The following EXOC6B variants were observed in gnomAD, a reference collection of about 807,000 sequenced individuals.
The protein encoded by EXOC6B is SEC15 homolog B.
In EXOC6B, 54 loss-of-function variants were observed where a neutral mutation model predicts 113.5. The observed-to-expected ratio is 0.48, with a 90% confidence interval of 0.38 to 0.60. The LOEUF is 0.60. Ranked by LOEUF, EXOC6B falls within the 20% of genes least tolerant of loss-of-function variation. The probability of loss-of-function intolerance (pLI) is 0.00; values close to 1 mark genes in which losing one functional copy is unlikely to be tolerated. For missense variants in EXOC6B, 797 were observed against 977.5 expected (o/e 0.82, Z 2.46); for synonymous variants, 357 against 339.0 (o/e 1.05, Z -0.58).
rs1415250058 is a variant in EXOC6B at position 72,265,259 on chromosome 2, TA to T, written c.2196+69687del. Among the ~76,000 whole-genome samples the T allele has an allele frequency of 1.1e-3, 162 of 150,846 alleles. 1 individual carries two copies. Among genetic ancestry groups the T allele is most frequent in the Middle Eastern group, 7.0e-3 (2 of 286 alleles). On this transcript the variant is annotated intron_variant, in intron 20 of 21. Transcript: ENST00000272427. Reference sequence around the variant, plus strand: ...ATTCTTTTATTATTATTATTATTATTATTATTATTATACTTTAAGTTTGAGG... The same window carrying T: ...ATTCTTTTATTATTATTATTATTATTTTATTATTATACTTTAAGTTTGAGG...
intron 18 of EXOC6B, among the ~76,000 whole-genome samples, chr2:72,436,979 G>A (rs1379325612): frequency 6.6e-6 from 1 of 152,086 alleles, no homozygotes; most frequent in Non-Finnish European, 1.5e-5. Flanking sequence ...AGGAGAAGAG[G>A]CATTCTGATT....
chr2:72,401,151 G>T (rs1372879595), intron 18 of EXOC6B, among the ~76,000 whole-genome samples: 1 of 151,580 alleles, frequency 6.6e-6, no homozygotes, highest in Admixed American at 6.6e-5. Flanking sequence ...TCAAAGAGAT[G>T]AGTTCCATAT....
At chr2:72,700,235 G>GAAACACACACACACACAC (rs1678212959) in intron 6 of EXOC6B, among the ~76,000 whole-genome samples, 1 of 41,140 alleles carries the variant, frequency 2.4e-5, no homozygotes, top group African/African-American at 1.3e-4. Flanking sequence ...AAAGACCACA[G>GAAACACACACACACACAC]AAACACACAC....
At chr2:72,350,643 T>C (rs1295088813) in intron 19 of EXOC6B, among the ~76,000 whole-genome samples, 2 of 152,204 alleles carry the variant, frequency 1.3e-5, no homozygotes, top group Non-Finnish European at 2.9e-5. Context: ...TCTGAGACCT[T>C]AAGCTGGTAG....
At chr2:72,320,138 C>CT (rs984422530) in intron 20 of EXOC6B, among the ~76,000 whole-genome samples, 2 of 150,154 alleles carry the variant, frequency 1.3e-5, no homozygotes, top group Admixed American at 6.6e-5. Context: ...CCCAGCCAAG[C>CT]TTTTTTTTCT....
chr2:72,684,742 T>G (rs1214496609), intron 6 of EXOC6B, among the ~76,000 whole-genome samples: 2 of 152,214 alleles, frequency 1.3e-5, no homozygotes, highest in African/African-American at 4.8e-5. Context: ...TCCATTTATA[T>G]GAAGTTCTAC....
intron 20 of EXOC6B, among the ~76,000 whole-genome samples, chr2:72,298,300 T>G (rs2104742511): frequency 6.6e-6 from 1 of 152,314 alleles, no homozygotes; most frequent in South Asian, 2.1e-4. Flanking sequence ...AGACTAGGAT[T>G]GCAACCCCTG....
At chr2:72,214,845 C>T (rs1481210738) in intron 20 of EXOC6B, among the ~76,000 whole-genome samples, 2 of 152,118 alleles carry the variant, frequency 1.3e-5, no homozygotes, top group Admixed American at 6.5e-5. Context: ...TTTTTGCATG[C>T]GAAAATTTTG....
chr2:72,792,458 G>A (rs370961124), intron 1 of EXOC6B, among the ~76,000 whole-genome samples: 9 of 152,090 alleles, frequency 5.9e-5, no homozygotes, highest in East Asian at 1.9e-4. Flanking sequence ...TTTCCTTGTC[G>A]TTACCATTTC....
At chr2:72,252,419 TAG>T (rs773680886) in intron 20 of EXOC6B, among the ~76,000 whole-genome samples, 1 of 152,016 alleles carries the variant, frequency 6.6e-6, no homozygotes, top group Non-Finnish European at 1.5e-5. Context: ...GGCAATATAA[TAG>T]AAAGTCATGC....
At position 72,601,839 on chromosome 2, in the gene EXOC6B, A is replaced by G. The variant is rs577842169; in HGVS notation, c.670-26171T>C. ...TTCATACAATGGAATATTATTTGGAAATAAAATGATATACACCATGAAAAA... is the reference window on the plus strand; with the variant it reads ...TTCATACAATGGAATATTATTTGGAGATAAAATGATATACACCATGAAAAA... On this transcript the variant is annotated intron_variant, in intron 6 of 21. Transcript: ENST00000272427. 9.8e-5 allele frequency among the ~76,000 whole-genome samples: 15 copies of G among 152,348 alleles called. 1 individual carries two copies. In the South Asian group the frequency reaches 2.9e-3, roughly 29 times the overall value.
chr2:72,265,881 G>A (rs903012070), intron 20 of EXOC6B, among the ~76,000 whole-genome samples: 2 of 152,200 alleles, frequency 1.3e-5, no homozygotes, highest in Non-Finnish European at 2.9e-5. Context: ...CAGTGTAAAA[G>A]TGTTCCTATT....
chr2:72,193,265 T>A (rs752937008), intron 20 of EXOC6B, among the ~76,000 whole-genome samples: 1 of 152,148 alleles, frequency 6.6e-6, no homozygotes, highest in Non-Finnish European at 1.5e-5. Flanking sequence ...TGAGAGCAGA[T>A]TAAGAGAACA....
At chr2:72,438,331 C>T (rs888604362) in intron 18 of EXOC6B, among the ~76,000 whole-genome samples, 1 of 151,246 alleles carries the variant, frequency 6.6e-6, no homozygotes, top group African/African-American at 2.4e-5. Flanking sequence ...AAAAAGTTGG[C>T]TGGGCATAGT....
chr2:72,624,468 C>T (rs1671931458), intron 6 of EXOC6B, among the ~76,000 whole-genome samples: 2 of 152,112 alleles, frequency 1.3e-5, no homozygotes, highest in Admixed American at 1.3e-4. Context: ...TGACCGGGTG[C>T]AGTGTCTCAC....
intron 20 of EXOC6B, among the ~76,000 whole-genome samples, chr2:72,274,445 A>C (rs1164393174): frequency 6.6e-6 from 1 of 152,190 alleles, no homozygotes; most frequent in Non-Finnish European, 1.5e-5. Context: ...TCACCAACCA[A>C]GTGAAATGAC....
chr2:72,818,028 G>A lies in EXOC6B; in HGVS notation c.113+7770C>T, dbSNP rs192868461. ...GCTCTGTCGCCCAGGCTGGAGTTCA[G>A]TGGTGCGATCTCCACTCACTGCAAC... On this transcript the variant is annotated intron_variant, in intron 1 of 21. Transcript: ENST00000272427. Among the ~76,000 whole-genome samples, 1,185 of 152,232 alleles carry A rather than the reference G, an allele frequency of 7.8e-3. 53 individuals carry two copies. The highest frequency in any genetic ancestry group is 0.068 in the Admixed American group (1,037 of 15,270).
intron 6 of EXOC6B, among the ~76,000 whole-genome samples, chr2:72,620,991 A>G: frequency 6.6e-6 from 1 of 152,210 alleles, no homozygotes. Context: ...ATTATTTAAA[A>G]GTCAAGAAGC....
intron 15 of EXOC6B, among the ~76,000 whole-genome samples, chr2:72,492,756 T>G (rs1019034249): frequency 2.0e-5 from 3 of 152,084 alleles, no homozygotes; most frequent in Non-Finnish European, 4.4e-5. Context: ...ATTATAATTC[T>G]TATCATTATA....
Sources: gnomAD v4.1 joint callset for allele counts (sites outside exome capture counted in the v4.1 genomes callset) on GRCh38, gnomAD v4.1.1 for gene constraint, MANE v1.5 for transcripts, NCBI Gene and HGNC (gene_info 2026-07-23, HGNC 2026-07-21) for gene names.